The following ANKRD36C variants were observed in gnomAD, a reference collection of about 807,000 sequenced individuals.
ANKRD36C encodes ankyrin repeat domain-containing protein 36C.
ANKRD36C carries 61 observed loss-of-function variants against 276.4 expected under a neutral mutation model. The ratio of observed to expected loss-of-function variants is 0.22; its 90% CI spans 0.18 to 0.27. The LOEUF is 0.27. Ranked by LOEUF, ANKRD36C falls within the 10% of genes least tolerant of loss-of-function variation. The pLI is 1.00. For missense variants in ANKRD36C, 1,447 were observed against 2,032.3 expected, an observed-to-expected ratio of 0.71 and a Z score of 5.54; for synonymous variants, 483 against 680.1, an observed-to-expected ratio of 0.71 and a Z score of 4.51.
chr2:95,902,736 C>G (rs950358135), intron 42 of ANKRD36C, 150 bp downstream of exon 54: 10 of 1,069,924 alleles, frequency 9.3e-6, no homozygotes, highest in Non-Finnish European at 1.3e-5. Context: ...GCATCATCAT[C>G]ATCACCCACA....
At chr2:95,949,582 G>A (rs188689900) in intron 16 of ANKRD36C, among the ~76,000 whole-genome samples, 4 of 152,344 alleles carry the variant, frequency 2.6e-5, no homozygotes, top group Admixed American at 2.6e-4. Flanking sequence ...CTCTTCCACT[G>A]TGTTCACTAG....
Position 95,963,987 on chromosome 2 carries a change from ATAT to A in ANKRD36C, c.800-1443_800-1441del, listed in dbSNP as rs1678526706. ...TATATATATAAATATATATATATAT[ATAT>A]ATATATATATATATATATATATATG... On this transcript the variant is annotated intron_variant, in intron 6 of 66. Transcript: ENST00000456556. Among the ~76,000 whole-genome samples the A allele has an allele frequency of 3.1e-4, 4 of 13,002 alleles. No individual in the cohort carries two copies. In the South Asian group the frequency reaches 0.01, roughly 33 times the overall value. The allele number at this position is 13,002 out of a possible 152,430, so 8.5% of individuals were successfully genotyped here.
intron 38 of ANKRD36C, among the ~76,000 whole-genome samples, 167 bp from the exon 41 acceptor site, chr2:95,914,470 G>A (rs970823651): frequency 2.6e-5 from 4 of 151,416 alleles, no homozygotes; most frequent in African/African-American, 9.7e-5. Flanking sequence ...AATACGCTGA[G>A]AAACGGGAAT....
rs1274052931 is a variant in ANKRD36C at position 95,921,775 on chromosome 2, T to C, written c.2172+7A>G. 4 of 1,601,640 alleles carry C rather than the reference T, an allele frequency of 2.5e-6. No homozygotes were observed. Among genetic ancestry groups the C allele is most frequent in the Non-Finnish European group, 2.6e-6 (3 of 1,175,822 alleles). ...CTAGTTCACAATATAAATGAAAGTT[T>C]AATTACCTTCAAGGCTGGTTGTTTC... On this transcript the variant is annotated splice_region_variant and intron_variant, in intron 33 of 66. Coordinates refer to ENST00000456556, the Ensembl canonical transcript of ANKRD36C.
chr2:95,983,650 G>T (rs528673988), intron 3 of ANKRD36C, among the ~76,000 whole-genome samples: 52 of 150,464 alleles, frequency 3.5e-4, no homozygotes, highest in Admixed American at 3.0e-3. Flanking sequence ...TCGCTCTGTC[G>T]CCCAGGCTGG....
At chr2:95,935,721 C>G in intron 22 of ANKRD36C, 77 bp from the exon 23 acceptor site, 1 of 1,412,212 alleles carries the variant, frequency 7.1e-7, no homozygotes, top group Non-Finnish European at 9.5e-7. Flanking sequence ...ATTAGGTTTC[C>G]CATGACTACA....
chr2:95,879,572 C>T (rs1176893561), intron 58 of ANKRD36C, among the ~76,000 whole-genome samples: 2 of 152,078 alleles, frequency 1.3e-5, no homozygotes, highest in Non-Finnish European at 2.9e-5. Flanking sequence ...TAAACATAAA[C>T]ACCTACAATT....
intron 17 of ANKRD36C, 125 bp downstream of exon 17, chr2:95,948,405 T>G (rs1222928398): frequency 1.0e-6 from 1 of 964,404 alleles, no homozygotes; most frequent in Non-Finnish European, 1.4e-6. Context: ...AATGGTTATC[T>G]CTAATAAAAG....
intron 40 of ANKRD36C, among the ~76,000 whole-genome samples, 189 bp from the exon 43 acceptor site, chr2:95,912,624 G>A (rs1676967019): frequency 1.3e-5 from 2 of 151,360 alleles, no homozygotes; most frequent in South Asian, 4.1e-4. Context: ...CAGGCTCCAT[G>A]AAATATACCC....
At chr2:95,942,960 G>A (rs1270541012) in intron 19 of ANKRD36C, among the ~76,000 whole-genome samples, 1 of 152,308 alleles carries the variant, frequency 6.6e-6, no homozygotes, top group Non-Finnish European at 1.5e-5. Context: ...TACTCTGTTG[G>A]CAATATTTCT....
chr2:95,897,331 A>G lies in ANKRD36C; in HGVS notation c.2755+1814T>C, dbSNP rs552209728. The G allele has an allele frequency of 5.3e-5, 82 of 1,550,046 alleles. 2 individuals carry two copies. The highest frequency in any genetic ancestry group is 2.1e-4 in the East Asian group (9 of 42,340). ...CTATATTCAAAAGAGAATCTTTCTC[A>G]TCTCTTGTAGCCTGAATGGAATTTG... On this transcript the variant is annotated intron_variant, in intron 44 of 66. Coordinates refer to ENST00000456556, the Ensembl canonical transcript of ANKRD36C.
intron 19 of ANKRD36C, among the ~76,000 whole-genome samples, chr2:95,943,514 T>C (rs1677953684): frequency 6.6e-6 from 1 of 150,970 alleles, no homozygotes. Context: ...GAAATTTTAA[T>C]TTTTATTAAT....
intron 1 of ANKRD36C, among the ~76,000 whole-genome samples, chr2:95,987,722 C>T (rs1414304328): frequency 6.7e-6 from 1 of 149,836 alleles, no homozygotes; most frequent in Non-Finnish European, 1.5e-5. Flanking sequence ...CCCGGGTTCA[C>T]GACATTCTCC....
chr2:95,894,047 C>T (rs1292011803), intron 44 of ANKRD36C, among the ~76,000 whole-genome samples: 4 of 151,316 alleles, frequency 2.6e-5, no homozygotes, highest in South Asian at 4.2e-4. Flanking sequence ...GAGCAACTCA[C>T]ACACCTGAGA....
At chr2:95,871,906 A>T (rs564917907) in intron 59 of ANKRD36C, among the ~76,000 whole-genome samples, 2 of 151,206 alleles carry the variant, frequency 1.3e-5, no homozygotes, top group African/African-American at 2.4e-5. Flanking sequence ...AACAAAGATC[A>T]AAAGAGACAA....
At chr2:95,930,749 G>A (rs1677542534) in intron 24 of ANKRD36C, among the ~76,000 whole-genome samples, 1 of 149,642 alleles carries the variant, frequency 6.7e-6, no homozygotes, top group Non-Finnish European at 1.5e-5. Context: ...TTAAAATCTA[G>A]TTTCACATGA....
chr2:95,867,220 G>C (rs1675699997), intron 60 of ANKRD36C, among the ~76,000 whole-genome samples: 3 of 152,176 alleles, frequency 2.0e-5, no homozygotes. Context: ...CAAACACACT[G>C]TGTGTATCAT....
chr2:95,956,695 A>C (rs1678335099), intron 13 of ANKRD36C, 91 bp downstream of exon 13: 1 of 1,162,722 alleles, frequency 8.6e-7, no homozygotes, highest in South Asian at 1.4e-5. Context: ...TACGGTGTCT[A>C]GCACAGAGGA....
chr2:95,891,504 A>G, intron 46 of ANKRD36C, among the ~76,000 whole-genome samples, 161 bp downstream of exon 66: 1 of 151,492 alleles, frequency 6.6e-6, no homozygotes, highest in East Asian at 1.9e-4. Flanking sequence ...GTTCCAGAGC[A>G]GCAGCATCAT....
Sources: gnomAD v4.1 joint callset for allele counts (sites outside exome capture counted in the v4.1 genomes callset) on GRCh38, gnomAD v4.1.1 for gene constraint, MANE v1.5 for transcripts, NCBI Gene and HGNC (gene_info 2026-07-23, HGNC 2026-07-21) for gene names.